The following KCNT2 variants were observed in gnomAD, a reference collection of about 807,000 sequenced individuals.
The protein encoded by KCNT2 is potassium channel subfamily T member 2.
Under a neutral mutation model 153.8 loss-of-function variants are expected in KCNT2, and 67 were observed. The ratio of observed to expected loss-of-function variants is 0.44; its 90% CI spans 0.36 to 0.53. The LOEUF (loss-of-function observed/expected upper bound fraction) is 0.53, where lower values mean the gene tolerates loss of function less well. KCNT2 is among the 20% of genes least tolerant of loss of function. The pLI, the probability that KCNT2 is intolerant of heterozygous loss-of-function variation, is 0.00. For synonymous variants in KCNT2, 500 were observed against 458.8 expected (o/e 1.09, Z -1.15); for missense variants, 975 against 1,354.8 (o/e 0.72, Z 4.40).
chr1:196,249,559 G>A (rs1655764634), intron 26 of KCNT2, among the ~76,000 whole-genome samples: 1 of 152,076 alleles, frequency 6.6e-6, no homozygotes, highest in Admixed American at 6.6e-5. Context: ...GATCACCTGA[G>A]GTCAGGAGTT....
At chr1:196,468,025 A>G (rs1393610781) in intron 6 of KCNT2, among the ~76,000 whole-genome samples, 1 of 152,150 alleles carries the variant, frequency 6.6e-6, no homozygotes, top group Non-Finnish European at 1.5e-5. Context: ...ATCTTTCACC[A>G]GATGGCAGAT....
At chr1:196,505,713 T>C (rs1473091224) in intron 1 of KCNT2, among the ~76,000 whole-genome samples, 2 of 152,110 alleles carry the variant, frequency 1.3e-5, no homozygotes, top group Non-Finnish European at 2.9e-5. Flanking sequence ...TTCCTACCCA[T>C]GAGCATGGAA....
intron 12 of KCNT2, among the ~76,000 whole-genome samples, chr1:196,399,327 C>T (rs1243930504): frequency 6.6e-6 from 1 of 151,706 alleles, no homozygotes; most frequent in East Asian, 1.9e-4. Context: ...ACACAGTTAG[C>T]TAATACATTT....
intron 8 of KCNT2, among the ~76,000 whole-genome samples, chr1:196,443,670 A>T (rs1675438657): frequency 6.6e-6 from 1 of 151,590 alleles, no homozygotes; most frequent in South Asian, 2.1e-4. Flanking sequence ...TAAAGCGTTA[A>T]GCTACTGTGC....
At chr1:196,262,335 A>T (rs1657107650) in intron 25 of KCNT2, among the ~76,000 whole-genome samples, 2 of 151,970 alleles carry the variant, frequency 1.3e-5, no homozygotes, top group African/African-American at 4.8e-5. Context: ...TTTGAAAATG[A>T]GTGTTTGTAA....
At chr1:196,586,838 G>C (rs932538994) in intron 1 of KCNT2, among the ~76,000 whole-genome samples, 1 of 152,042 alleles carries the variant, frequency 6.6e-6, no homozygotes, top group South Asian at 2.1e-4. Flanking sequence ...TTGATAAAAT[G>C]TGTCCACATT....
intron 14 of KCNT2, among the ~76,000 whole-genome samples, chr1:196,350,624 C>T (rs1375662190): frequency 6.6e-6 from 1 of 152,006 alleles, no homozygotes; most frequent in Non-Finnish European, 1.5e-5. Context: ...GATGAGTAGG[C>T]TGCGAAAATT....
intron 21 of KCNT2, among the ~76,000 whole-genome samples, chr1:196,312,845 A>T (rs1014442225): frequency 1.3e-5 from 2 of 151,762 alleles, no homozygotes; most frequent in African/African-American, 4.8e-5. Context: ...CAAAGCTTTA[A>T]TCCTAAATAG....
intron 12 of KCNT2, among the ~76,000 whole-genome samples, chr1:196,400,147 T>G (rs1671288936): frequency 6.6e-6 from 1 of 151,726 alleles, no homozygotes; most frequent in African/African-American, 2.4e-5. Context: ...TCTACTAAGA[T>G]TCATCAAGTG....
chr1:196,561,619 A>T (rs1318191539), intron 1 of KCNT2, among the ~76,000 whole-genome samples: 1 of 137,436 alleles, frequency 7.3e-6, no homozygotes, highest in East Asian at 2.3e-4. Context: ...ACACCACTGC[A>T]CTCCAGCCTG....
chr1:196,334,512 C>T (rs1417529489), intron 16 of KCNT2, among the ~76,000 whole-genome samples: 1 of 31,812 alleles, frequency 3.1e-5, no homozygotes, highest in African/African-American at 1.4e-4. Flanking sequence ...GACAGAGTCT[C>T]GCTCCAGGCT....
At chr1:196,317,865 C>A (rs535639221) in intron 20 of KCNT2, among the ~76,000 whole-genome samples, 1 of 151,532 alleles carries the variant, frequency 6.6e-6, no homozygotes, top group African/African-American at 2.4e-5. Context: ...GGCAAATTAT[C>A]GTTACATATC....
At chr1:196,259,829 A>C (rs1297693034) in intron 25 of KCNT2, among the ~76,000 whole-genome samples, 1 of 151,988 alleles carries the variant, frequency 6.6e-6, no homozygotes, top group Non-Finnish European at 1.5e-5. Context: ...AAATGATTTT[A>C]GAAACCATAT....
At chr1:196,539,078 A>T (rs2148867656) in intron 1 of KCNT2, among the ~76,000 whole-genome samples, 1 of 152,320 alleles carries the variant, frequency 6.6e-6, no homozygotes, top group South Asian at 2.1e-4. Context: ...TACCTTCTCG[A>T]AGACAGAAAT....
At chr1:196,252,868 A>G (rs909746067) in intron 26 of KCNT2, among the ~76,000 whole-genome samples, 2 of 151,280 alleles carry the variant, frequency 1.3e-5, no homozygotes, top group Middle Eastern at 3.4e-3. Flanking sequence ...CCTACTCTCA[A>G]GATGCCTTTC....
chr1:196,576,247 A>C (rs1236564116), intron 1 of KCNT2, among the ~76,000 whole-genome samples: 2 of 152,038 alleles, frequency 1.3e-5, no homozygotes. Context: ...ATAAACACAG[A>C]TATATCAGAA....
chr1:196,243,485 C>T (rs1571770041), intron 26 of KCNT2, among the ~76,000 whole-genome samples: 1 of 152,262 alleles, frequency 6.6e-6, no homozygotes, highest in South Asian at 2.1e-4. Flanking sequence ...ACCAACCCTC[C>T]CCTATCTTTT....
In KCNT2 at chr1:196,340,322, C is replaced by T. The variant is rs1276424381; in HGVS notation, c.1783+19G>A. ...TTTTAGAAATAAATTAATGATATTT[C>T]AAATTTGTTTATACTTACCCATGCT... On this transcript the variant is annotated intron_variant, in intron 16 of 27. Transcript: ENST00000294725. The T allele has an allele frequency of 9.9e-6, 13 of 1,316,170 alleles. No homozygotes were observed. Among genetic ancestry groups the T allele is most frequent in the South Asian group, 4.4e-5 (3 of 68,070 alleles). 81.5% of individuals were successfully genotyped at this position (1,316,170 alleles called of 1,614,324 possible). A position where few individuals can be genotyped will look rare whatever the true frequency, so the allele number is the denominator to read the frequency against.
intron 14 of KCNT2, among the ~76,000 whole-genome samples, chr1:196,362,498 G>A (rs980758040): frequency 2.0e-5 from 3 of 152,024 alleles, no homozygotes; most frequent in African/African-American, 7.2e-5. Flanking sequence ...GTCTGGTGTA[G>A]TTCAGATCCT....
Sources: gnomAD v4.1 joint callset for allele counts (sites outside exome capture counted in the v4.1 genomes callset) on GRCh38, gnomAD v4.1.1 for gene constraint, MANE v1.5 for transcripts, NCBI Gene and HGNC (gene_info 2026-07-23, HGNC 2026-07-21) for gene names.